Variants in GRID2 observed in about 807,000 individuals in gnomAD.
The protein encoded by GRID2 is glutamate ionotropic receptor delta type subunit 2, also known as glutamate receptor ionotropic, delta-2.
GRID2 carries 33 observed loss-of-function variants against 114.8 expected under a neutral mutation model. The observed-to-expected ratio is 0.29, with a 90% CI of 0.22 to 0.38. The LOEUF is 0.38. Ranked by LOEUF, GRID2 falls within the 10% of genes least tolerant of loss-of-function variation. The probability of loss-of-function intolerance (pLI) is 1.00; values close to 1 mark genes in which losing one functional copy is unlikely to be tolerated. For missense variants in GRID2, 1,184 were observed against 1,257.7 expected (o/e 0.94, Z 0.89); for synonymous variants, 505 against 449.9 (o/e 1.12, Z -1.55).
At chr4:93,654,210 A>G (rs925577201) in intron 14 of GRID2, among the ~76,000 whole-genome samples, 4 of 152,204 alleles carry the variant, frequency 2.6e-5, no homozygotes, top group Non-Finnish European at 5.9e-5. Context: ...TTTCTATACC[A>G]GGAAATTTTC....
At chr4:92,709,583 AAAAAAAATAT>A (rs996743729) in intron 2 of GRID2, among the ~76,000 whole-genome samples, 1 of 127,890 alleles carries the variant, frequency 7.8e-6, no homozygotes, top group Non-Finnish European at 1.6e-5. Flanking sequence ...AAAAAAAAAA[AAAAAAAATAT>A]ATATATATAT....
At chr4:92,640,324 T>G (rs2149252796) in intron 2 of GRID2, among the ~76,000 whole-genome samples, 1 of 152,020 alleles carries the variant, frequency 6.6e-6, no homozygotes, top group Non-Finnish European at 1.5e-5. Flanking sequence ...CTTAGACATT[T>G]ACTTCAAACA....
intron 1 of GRID2, among the ~76,000 whole-genome samples, chr4:92,441,815 G>GT (rs1254152146): frequency 3.9e-5 from 6 of 152,056 alleles, no homozygotes; most frequent in Non-Finnish European, 5.9e-5. Flanking sequence ...GTGGGTTAAG[G>GT]TGGGGGGATA....
intron 7 of GRID2, among the ~76,000 whole-genome samples, chr4:93,229,813 C>A (rs539777892): frequency 6.6e-6 from 1 of 152,166 alleles, no homozygotes; most frequent in Non-Finnish European, 1.5e-5. Flanking sequence ...GTTTCTGTTT[C>A]TCAGGTACTC....
intron 2 of GRID2, among the ~76,000 whole-genome samples, chr4:92,759,924 C>T (rs1436319981): frequency 6.6e-6 from 1 of 151,700 alleles, no homozygotes; most frequent in African/African-American, 2.4e-5. Context: ...CAGTGCTCAG[C>T]CTGCTCTCAA....
rs146265367 is a variant in GRID2, at chr4:93,136,424, A to G, written c.735+25471A>G. On this transcript the variant is annotated intron_variant, in intron 4 of 15. Coordinates refer to ENST00000282020, the MANE Select transcript of GRID2 (RefSeq NM_001510.4). Reference sequence around the variant, plus strand: ...CTTCTGAGGAACATATATCCAAAAGAAAGAGAGCCTTCCGAGGCAGCTGGA... The same window carrying G: ...CTTCTGAGGAACATATATCCAAAAGGAAGAGAGCCTTCCGAGGCAGCTGGA... 1.1e-3 allele frequency among the ~76,000 whole-genome samples: 166 copies of G among 152,230 alleles called. 3 individuals are homozygous for G. The highest frequency in any genetic ancestry group is 8.3e-3 in the Admixed American group (126 of 15,262).
At chr4:93,442,674 A>G (rs962850445) in intron 10 of GRID2, among the ~76,000 whole-genome samples, 1 of 151,950 alleles carries the variant, frequency 6.6e-6, no homozygotes, top group Non-Finnish European at 1.5e-5. Flanking sequence ...TTGCTTTACT[A>G]TCTATACTTC....
Position 92,421,197 on chromosome 4 carries a change from ATTTG to A in GRID2, c.88+116460_88+116463del, listed in dbSNP as rs202154007. On this transcript the variant is annotated intron_variant, in intron 1 of 15. Transcript: ENST00000282020. ...TTTATTAATCATGGTTATTTAAATT[ATTTG>A]TTTGTTGAGTGCTCTGTATGTGTTA... Among the ~76,000 whole-genome samples, 361 of 151,780 alleles carry A rather than the reference ATTTG, an allele frequency of 2.4e-3. 6 individuals are homozygous for A. The East Asian group carries it at 0.044, about 19-fold the overall frequency.
chr4:92,670,641 A>C (rs2149275896), intron 2 of GRID2, among the ~76,000 whole-genome samples: 1 of 152,248 alleles, frequency 6.6e-6, no homozygotes. Context: ...AAATTTCAGT[A>C]AATGTTAAAA....
chr4:93,729,434 G>A (rs575059167), intron 14 of GRID2, among the ~76,000 whole-genome samples: 1 of 151,996 alleles, frequency 6.6e-6, no homozygotes, highest in African/African-American at 2.4e-5. Flanking sequence ...TACTCCAACA[G>A]TGTCGTATGT....
intron 2 of GRID2, among the ~76,000 whole-genome samples, chr4:92,618,095 A>G (rs1730088543): frequency 6.6e-6 from 1 of 151,714 alleles, no homozygotes; most frequent in African/African-American, 2.4e-5. Context: ...TCTCAAATCA[A>G]TGTCCTGAAA....
chr4:92,500,322 G>T (rs1413740563), intron 1 of GRID2, among the ~76,000 whole-genome samples: 1 of 151,656 alleles, frequency 6.6e-6, no homozygotes, highest in African/African-American at 2.4e-5. Flanking sequence ...ATCTCCCAGC[G>T]CAATCATTAA....
intron 14 of GRID2, among the ~76,000 whole-genome samples, chr4:93,732,006 T>G (rs1578687064): frequency 6.6e-6 from 1 of 152,196 alleles, no homozygotes; most frequent in East Asian, 1.9e-4. Context: ...TTATTACACA[T>G]TAATATTTTT....
chr4:92,590,018 G>T (rs1208815309), intron 1 of GRID2, 113 bp from the exon 2 acceptor site: 50 of 678,690 alleles, frequency 7.4e-5, no homozygotes, highest in Non-Finnish European at 1.2e-4. Context: ...TAAAGTGCAT[G>T]CTCTAAGTGA....
intron 2 of GRID2, among the ~76,000 whole-genome samples, chr4:93,033,116 T>C (rs940910974): frequency 1.3e-5 from 2 of 152,162 alleles, no homozygotes; most frequent in Non-Finnish European, 2.9e-5. Flanking sequence ...GATAGACCTA[T>C]GCATATTAAT....
intron 5 of GRID2, among the ~76,000 whole-genome samples, chr4:93,211,753 C>G (rs763854251): frequency 6.6e-6 from 1 of 152,136 alleles, no homozygotes; most frequent in Non-Finnish European, 1.5e-5. Context: ...CAACCCATAC[C>G]ATTTACATTA....
At chr4:93,282,161 G>C (rs1009911247) in intron 8 of GRID2, among the ~76,000 whole-genome samples, 1 of 151,980 alleles carries the variant, frequency 6.6e-6, no homozygotes, top group African/African-American at 2.4e-5. Flanking sequence ...AGGCCACAAA[G>C]TTTAAACCAA....
At chr4:92,843,243 G>GA (rs1356684026) in intron 2 of GRID2, among the ~76,000 whole-genome samples, 5 of 150,794 alleles carry the variant, frequency 3.3e-5, no homozygotes, top group Non-Finnish European at 7.4e-5. Flanking sequence ...CTCTGTCTCC[G>GA]AAAAAAAATA....
chr4:93,600,999 A>G (rs763763471), intron 13 of GRID2, among the ~76,000 whole-genome samples: 2 of 152,218 alleles, frequency 1.3e-5, no homozygotes, highest in Non-Finnish European at 2.9e-5. Context: ...AATCAGAGCA[A>G]TAGTGCCCAG....
Sources: allele counts gnomAD v4.1 joint callset (sites outside exome capture counted in the v4.1 genomes callset), GRCh38; gene constraint gnomAD v4.1.1; transcripts MANE v1.5; gene names NCBI Gene and HGNC (gene_info 2026-07-23, HGNC 2026-07-21).